NRG1: variants seen among roughly 807,000 people sequenced by gnomAD.
The protein encoded by NRG1 is neuregulin 1.
NRG1 carries 18 observed loss-of-function variants against 63.8 expected under a neutral mutation model. The ratio of observed to expected loss-of-function variants is 0.28; its 90% CI spans 0.19 to 0.42. The LOEUF is 0.42. Ranked by LOEUF, NRG1 falls within the 10% of genes least tolerant of loss-of-function variation. The pLI is 1.00. For synonymous variants in NRG1, 302 were observed against 301.3 expected (o/e 1.00, Z -0.02); for missense variants, 762 against 814.7 (o/e 0.94, Z 0.79).
At chr8:32,223,102 A>G (rs1845992008) in intron 1 of NRG1, among the ~76,000 whole-genome samples, 1 of 152,252 alleles carries the variant, frequency 6.6e-6, no homozygotes, top group Non-Finnish European at 1.5e-5. Context: ...TTGATTTGCC[A>G]AAAATAAATA....
chr8:32,487,631 C>T (rs1238622830), intron 1 of NRG1, among the ~76,000 whole-genome samples: 1 of 152,178 alleles, frequency 6.6e-6, no homozygotes, highest in Non-Finnish European at 1.5e-5. Flanking sequence ...TTGCTTGAGA[C>T]CGCATCTGTA....
chr8:32,185,249 C>A (rs1302107134), intron 1 of NRG1, among the ~76,000 whole-genome samples: 1 of 152,256 alleles, frequency 6.6e-6, no homozygotes, highest in Non-Finnish European at 1.5e-5. Context: ...GCAGTAAAGG[C>A]AATTATTTCT....
In NRG1 at chr8:31,766,808, A is replaced by G. The variant is rs940095325; in HGVS notation, c.37+127377A>G. 3.3e-5 allele frequency among the ~76,000 whole-genome samples: 5 copies of G among 152,194 alleles called. 1 individual carries two copies. In the South Asian group the frequency reaches 6.2e-4, roughly 19 times the overall value. On this transcript the variant is annotated intron_variant, in intron 1 of 10. Coordinates refer to the NRG1 transcript ENST00000519301. ...TTGAATATATTTATGTTTATTTTAA[A>G]AAAGGCTACTGAGTACGAGATTACC...
intron 1 of NRG1, among the ~76,000 whole-genome samples, chr8:32,408,233 G>A (rs936777677): frequency 2.0e-5 from 3 of 152,116 alleles, no homozygotes; most frequent in Non-Finnish European, 4.4e-5. Context: ...TCATTCTCAG[G>A]GTGATGAGCA....
chr8:31,728,616 T>G (rs1038173904), intron 1 of NRG1, among the ~76,000 whole-genome samples: 9 of 152,130 alleles, frequency 5.9e-5, no homozygotes, highest in Non-Finnish European at 1.0e-4. Context: ...TGTGTTAAAT[T>G]GTTATCATCA....
intron 1 of NRG1, among the ~76,000 whole-genome samples, chr8:32,344,996 A>G (rs577766461): frequency 6.6e-6 from 1 of 152,144 alleles, no homozygotes; most frequent in Non-Finnish European, 1.5e-5. Context: ...GCTAGCTCAC[A>G]AAAATGTCGG....
At chr8:32,719,349 T>G (rs1820055550) in intron 5 of NRG1, among the ~76,000 whole-genome samples, 1 of 152,078 alleles carries the variant, frequency 6.6e-6, no homozygotes, top group African/African-American at 2.4e-5. Flanking sequence ...TGAATCTCCA[T>G]GTAGCCATCA....
chr8:32,328,367 A>G (rs1380564451), intron 1 of NRG1, among the ~76,000 whole-genome samples: 1 of 152,180 alleles, frequency 6.6e-6, no homozygotes, highest in Non-Finnish European at 1.5e-5. Context: ...TGTATTGTCA[A>G]ACATTTAAAA....
intron 1 of NRG1, among the ~76,000 whole-genome samples, chr8:31,983,431 G>A (rs1809508369): frequency 6.6e-6 from 1 of 152,042 alleles, no homozygotes. Context: ...AGACTAGAGT[G>A]CAGTGGTGTG....
intron 1 of NRG1, among the ~76,000 whole-genome samples, chr8:32,314,688 G>C (rs1007654924): frequency 6.6e-6 from 1 of 152,248 alleles, no homozygotes; most frequent in East Asian, 1.9e-4. Flanking sequence ...GAAAGACGAG[G>C]AAGGGAGCAC....
rs75926790 is a variant in NRG1, at chr8:31,905,176, C to G, written c.37+265745C>G. 9.1e-3 allele frequency among the ~76,000 whole-genome samples: 1,392 copies of G among 152,162 alleles called. 24 individuals carry two copies. Among genetic ancestry groups the G allele is most frequent in the African/African-American group, 0.032 (1,321 of 41,494 alleles). On this transcript the variant is annotated intron_variant, in intron 1 of 10. Transcript: ENST00000519301. ...GAGAGAGACAATCCAGTTTCCACAG[C>G]CTTGACTAATATTATTGCTTTATAA...
intron 1 of NRG1, among the ~76,000 whole-genome samples, chr8:32,049,344 C>T (rs771590532): frequency 1.3e-5 from 2 of 152,092 alleles, no homozygotes; most frequent in African/African-American, 4.8e-5. Context: ...GATCAGAGTC[C>T]AGTCACCTGA....
chr8:32,387,368 A>G (rs891733298), intron 1 of NRG1, among the ~76,000 whole-genome samples: 2 of 152,194 alleles, frequency 1.3e-5, no homozygotes, highest in Non-Finnish European at 2.9e-5. Flanking sequence ...AAGAATGATG[A>G]TTAGGTTTCT....
intron 5 of NRG1, among the ~76,000 whole-genome samples, chr8:32,636,291 A>G (rs1281333053): frequency 1.3e-5 from 2 of 152,192 alleles, no homozygotes; most frequent in African/African-American, 4.8e-5. Flanking sequence ...TTTTCCTGCT[A>G]GGTTAAATTG....
intron 1 of NRG1, among the ~76,000 whole-genome samples, chr8:31,948,051 G>A (rs55898409): frequency 4.7e-5 from 7 of 150,098 alleles, no homozygotes; most frequent in African/African-American, 1.7e-4. Flanking sequence ...AGGTGTAGAA[G>A]ATTTAACAAC....
At chr8:32,479,708 G>A (rs1355889664) in intron 1 of NRG1, among the ~76,000 whole-genome samples, 1 of 152,030 alleles carries the variant, frequency 6.6e-6, no homozygotes, top group African/African-American at 2.4e-5. Flanking sequence ...GGAGTACAGT[G>A]GCGCGATCTC....
At chr8:31,651,966 T>G (rs904244791) in intron 1 of NRG1, among the ~76,000 whole-genome samples, 1 of 152,202 alleles carries the variant, frequency 6.6e-6, no homozygotes, top group African/African-American at 2.4e-5. Flanking sequence ...AAACACTTTA[T>G]GTGAAATATT....
intron 5 of NRG1, among the ~76,000 whole-genome samples, chr8:32,723,549 G>A (rs911219304): frequency 6.6e-6 from 1 of 151,720 alleles, no homozygotes; most frequent in Non-Finnish European, 1.5e-5. Flanking sequence ...AGCCGGGTGT[G>A]GTGGCGCATG....
At chr8:32,549,859 T>C (rs1833794708) in intron 1 of NRG1, among the ~76,000 whole-genome samples, 1 of 152,216 alleles carries the variant, frequency 6.6e-6, no homozygotes, top group Admixed American at 6.5e-5. Flanking sequence ...AATTTATTTT[T>C]TGCCTCTGCA....
Sources: gnomAD v4.1 joint callset for allele counts (sites outside exome capture counted in the v4.1 genomes callset) on GRCh38, gnomAD v4.1.1 for gene constraint, MANE v1.5 for transcripts, NCBI Gene and HGNC (gene_info 2026-07-23, HGNC 2026-07-21) for gene names.